PAPPA2: variants seen among roughly 807,000 people sequenced by gnomAD.
PAPPA2 encodes pappalysin 2, also known as pappalysin-2.
PAPPA2 carries 86 observed loss-of-function variants against 176.4 expected under a neutral mutation model. The ratio of observed to expected loss-of-function variants is 0.49; its 90% confidence interval spans 0.41 to 0.58. The LOEUF (loss-of-function observed/expected upper bound fraction) is 0.58. Among genes scored for constraint, PAPPA2 ranks in the 20% least tolerant of loss-of-function variants. The pLI is 0.00. For missense variants in PAPPA2, 2,073 were observed against 2,256.9 expected, an observed-to-expected ratio of 0.92 and a Z score of 1.65; for synonymous variants, 809 against 852.2, an observed-to-expected ratio of 0.95 and a Z score of 0.88.
chr1:176,476,892 G>A (rs903329867), intron 1 of PAPPA2, among the ~76,000 whole-genome samples: 2 of 152,118 alleles, frequency 1.3e-5, no homozygotes, highest in African/African-American at 2.4e-5. Context: ...TTTGCACTTG[G>A]ATATTTGCCT....
At chr1:176,662,867 T>C (rs1443717895) in intron 3 of PAPPA2, among the ~76,000 whole-genome samples, 1 of 152,222 alleles carries the variant, frequency 6.6e-6, no homozygotes, top group Admixed American at 6.6e-5. Flanking sequence ...GCCTGGGCTA[T>C]TGCAAATACT....
At chr1:176,714,287 A>G (rs913198708) in intron 12 of PAPPA2, among the ~76,000 whole-genome samples, 3 of 152,168 alleles carry the variant, frequency 2.0e-5, no homozygotes, top group African/African-American at 4.8e-5. Flanking sequence ...CTATGCTCCA[A>G]ACCCCTAATG....
At chr1:176,548,400 C>T (rs1414585991) in intron 1 of PAPPA2, among the ~76,000 whole-genome samples, 2 of 152,270 alleles carry the variant, frequency 1.3e-5, no homozygotes, top group East Asian at 1.9e-4. Context: ...CTAACTGCTA[C>T]TGTTGGCTGG....
intron 12 of PAPPA2, among the ~76,000 whole-genome samples, chr1:176,733,423 A>G (rs1363760981): frequency 6.6e-6 from 1 of 152,160 alleles, no homozygotes; most frequent in African/African-American, 2.4e-5. Context: ...GAGTGCGCTG[A>G]CAGAGGAGCT....
chr1:176,600,674 T>TAA (rs1558464898), intron 3 of PAPPA2, among the ~76,000 whole-genome samples: 159 of 47,822 alleles, frequency 3.3e-3, no homozygotes, highest in African/African-American at 0.021. Context: ...AGACTCCGTC[T>TAA]CAAAAAAAAA....
rs773387413 is a variant in PAPPA2 at position 176,800,112 on chromosome 1, C to T, written c.5182C>T (p.His1728Tyr). ...ATGGCACCCAGACCCCGTCTTAGTC[C>T]ACTGCATCCAGTCATGTGAGGTAAG... ...RQWHPDPVLVHCIQSCEPFQA... is the reference protein window; with the variant it reads ...RQWHPDPVLVYCIQSCEPFQA... Residue 1728 changes from histidine to tyrosine, a missense_variant, in exon 21 of 23, where the codon CAC (histidine) becomes TAC (tyrosine). His to Tyr is a moderately conservative substitution (Grantham distance 83, BLOSUM62 2). Transcript: ENST00000367662. 6.2e-6 allele frequency: 10 copies of T among 1,614,034 alleles called. No homozygotes were observed. Among genetic ancestry groups the T allele is most frequent in the Non-Finnish European group, 8.5e-6 (10 of 1,179,944 alleles).
At chr1:176,503,339 G>A (rs1648072033) in intron 1 of PAPPA2, among the ~76,000 whole-genome samples, 1 of 152,086 alleles carries the variant, frequency 6.6e-6, no homozygotes, top group Non-Finnish European at 1.5e-5. Context: ...GGATAATACA[G>A]GATAGCTTCC....
intron 4 of PAPPA2, among the ~76,000 whole-genome samples, chr1:176,673,582 A>G (rs1573231064): frequency 6.6e-6 from 1 of 152,150 alleles, no homozygotes; most frequent in Admixed American, 6.6e-5. Context: ...CTTCCTGGCC[A>G]TTATGGAGAC....
intron 20 of PAPPA2, among the ~76,000 whole-genome samples, chr1:176,798,605 G>A (rs967054876): frequency 3.3e-5 from 5 of 152,202 alleles, no homozygotes; most frequent in African/African-American, 1.2e-4. Context: ...TAGAGCTCCA[G>A]TGGAACCTGC....
At position 176,771,106 on chromosome 1, in the gene PAPPA2, C is replaced by T. The variant is rs1480768334; in HGVS notation, c.4641C>T (p.Asp1547=). The T allele has an allele frequency of 5.0e-6, 8 of 1,613,998 alleles. No homozygotes were observed. Among genetic ancestry groups the T allele is most frequent in the African/African-American group, 1.3e-5 (1 of 74,906 alleles). ...CTCACTGCCTCCAGGACAACCACGA[C>T]GTGGGCACCATCTGCAAATATGAAT... ...LLPHCLQDNH[D]VGTICKYECK... is the part of the protein sequence containing the mutation. Residue 1547 remains aspartate (D), a synonymous_variant, in exon 17 of 23, where the codon GAC becomes GAT. Transcript: ENST00000367662.
chr1:176,538,773 C>T (rs1650215419), intron 1 of PAPPA2, among the ~76,000 whole-genome samples: 1 of 152,140 alleles, frequency 6.6e-6, no homozygotes, highest in South Asian at 2.1e-4. Context: ...ATTCAAGCCA[C>T]CTATAAACCC....
rs962192863 is a variant in PAPPA2 at position 176,582,148 on chromosome 1, C to T, written c.920-12376C>T. On this transcript the variant is annotated intron_variant, in intron 2 of 22. Coordinates refer to ENST00000367662, the MANE Select transcript of PAPPA2 (RefSeq NM_020318.3). ...TTTACCGTGTTAGCCAGGATAGTCT[C>T]GATCTCCTGACCTTGTGATCCACCC... Among the ~76,000 whole-genome samples, 5 of 151,898 alleles carry T rather than the reference C, an allele frequency of 3.3e-5. No homozygotes were observed. The South Asian group carries it at 6.2e-4, about 19-fold the overall frequency.
chr1:176,784,903 C>A (rs1664869344), intron 17 of PAPPA2, among the ~76,000 whole-genome samples: 2 of 152,092 alleles, frequency 1.3e-5, no homozygotes, highest in South Asian at 4.1e-4. Context: ...TGTCTGTTTT[C>A]TGTGTCCTCA....
At chr1:176,591,892 A>T (rs1653689795) in intron 2 of PAPPA2, among the ~76,000 whole-genome samples, 2 of 152,224 alleles carry the variant, frequency 1.3e-5, no homozygotes, top group African/African-American at 4.8e-5. Context: ...CTTACCATTG[A>T]TATCAATCTT....
intron 3 of PAPPA2, among the ~76,000 whole-genome samples, chr1:176,611,090 C>A (rs970071274): frequency 6.6e-6 from 1 of 152,150 alleles, no homozygotes; most frequent in Non-Finnish European, 1.5e-5. Context: ...CCCAAATTAA[C>A]CCTGCACACT....
At chr1:176,584,143 G>C (rs953141694) in intron 2 of PAPPA2, among the ~76,000 whole-genome samples, 2 of 152,186 alleles carry the variant, frequency 1.3e-5, no homozygotes, top group Admixed American at 6.5e-5. Flanking sequence ...TGCAGCTGTT[G>C]TGTGAAATGT....
At chr1:176,700,172 A>G (rs1660587654) in intron 8 of PAPPA2, among the ~76,000 whole-genome samples, 1 of 151,626 alleles carries the variant, frequency 6.6e-6, no homozygotes, top group Admixed American at 6.6e-5. Context: ...TTCTTCCTAC[A>G]TTTAGTGAGT....
intron 22 of PAPPA2, among the ~76,000 whole-genome samples, chr1:176,840,555 G>A (rs186614312): frequency 1.3e-5 from 2 of 152,258 alleles, no homozygotes; most frequent in Admixed American, 6.5e-5. Context: ...AAACATCTCT[G>A]TAGGCAGGGA....
chr1:176,631,516 T>C (rs937600587), intron 3 of PAPPA2, among the ~76,000 whole-genome samples: 1 of 152,182 alleles, frequency 6.6e-6, no homozygotes, highest in East Asian at 1.9e-4. Flanking sequence ...TTGTACACTT[T>C]AAATAGGTGA....
Sources: gnomAD v4.1 joint callset for allele counts (sites outside exome capture counted in the v4.1 genomes callset) on GRCh38, gnomAD v4.1.1 for gene constraint, MANE v1.5 for transcripts, NCBI Gene and HGNC (gene_info 2026-07-23, HGNC 2026-07-21) for gene names.